The following PDE10A variants were observed in gnomAD, a reference collection of about 807,000 sequenced individuals.
PDE10A encodes the protein phosphodiesterase 10A, also known as cAMP and cAMP-inhibited cGMP 3',5'-cyclic phosphodiesterase 10A.
PDE10A carries 39 observed loss-of-function variants against 97.7 expected under a neutral mutation model. The observed-to-expected ratio is 0.40, with a 90% confidence interval of 0.31 to 0.52. The LOEUF (loss-of-function observed/expected upper bound fraction) is 0.52, where lower values mean the gene tolerates loss of function less well. Among genes scored for constraint, PDE10A ranks in the 20% least tolerant of loss-of-function variants. The pLI is 0.56. For missense variants in PDE10A, 731 were observed against 1,047.8 expected, an observed-to-expected ratio of 0.70 and a Z score of 4.17; for synonymous variants, 371 against 376.8, an observed-to-expected ratio of 0.98 and a Z score of 0.18.
intron 10 of PDE10A, among the ~76,000 whole-genome samples, chr6:165,425,612 T>C (rs1262702370): frequency 3.3e-5 from 5 of 152,042 alleles, no homozygotes; most frequent in Admixed American, 6.6e-5. Context: ...GCTTCTTCCT[T>C]GAGATCAGGA....
intron 1 of PDE10A, among the ~76,000 whole-genome samples, chr6:165,694,527 G>C (rs896001294): frequency 6.6e-6 from 1 of 152,210 alleles, no homozygotes; most frequent in African/African-American, 2.4e-5. Context: ...TCTTATCACA[G>C]CCACAGGTGG....
At chr6:165,419,648 A>C (rs1241396142) in intron 10 of PDE10A, among the ~76,000 whole-genome samples, 1 of 152,200 alleles carries the variant, frequency 6.6e-6, no homozygotes, top group African/African-American at 2.4e-5. Flanking sequence ...ATATGTCTTC[A>C]ATGCCTAACA....
chr6:165,525,063 T>C (rs934829470), intron 2 of PDE10A, among the ~76,000 whole-genome samples: 2 of 152,050 alleles, frequency 1.3e-5, no homozygotes, highest in Non-Finnish European at 2.9e-5. Context: ...AAAATGATGT[T>C]GATTCTCCTC....
intron 1 of PDE10A, among the ~76,000 whole-genome samples, chr6:165,958,716 G>GTAGA (rs1784257842): frequency 1.7e-5 from 1 of 58,768 alleles, no homozygotes; most frequent in South Asian, 7.5e-4. Context: ...AAGAAAGAGA[G>GTAGA]AAGAAAGAAA....
chr6:165,369,548 A>C (rs1469033645), intron 18 of PDE10A, among the ~76,000 whole-genome samples: 93 of 146,448 alleles, frequency 6.4e-4, no homozygotes, highest in African/African-American at 2.4e-3. Flanking sequence ...AAAAGGAATG[A>C]GCAAAGCCTC....
intron 1 of PDE10A, among the ~76,000 whole-genome samples, chr6:165,619,033 T>C (rs1430445297): frequency 2.0e-5 from 3 of 151,866 alleles, no homozygotes; most frequent in Non-Finnish European, 2.9e-5. Context: ...CATAGTCTAG[T>C]GTAGTGTAGT....
intron 1 of PDE10A, among the ~76,000 whole-genome samples, chr6:165,745,363 T>C (rs1043175619): frequency 3.3e-5 from 5 of 152,234 alleles, no homozygotes; most frequent in African/African-American, 9.6e-5. Context: ...GTTGTATTGG[T>C]TTTCATGGTA....
At chr6:165,649,904 C>T (rs868313199) in intron 1 of PDE10A, among the ~76,000 whole-genome samples, 3 of 152,212 alleles carry the variant, frequency 2.0e-5, no homozygotes, top group Non-Finnish European at 4.4e-5. Context: ...ACATCTTAAG[C>T]ATGAAACCAT....
At chr6:165,646,475 T>TA (rs1789403944) in intron 1 of PDE10A, among the ~76,000 whole-genome samples, 1 of 152,200 alleles carries the variant, frequency 6.6e-6, no homozygotes, top group Non-Finnish European at 1.5e-5. Context: ...ATGAGAAAAT[T>TA]AGAGTGCTGA....
intron 10 of PDE10A, among the ~76,000 whole-genome samples, chr6:165,420,058 C>G (rs517420): frequency 6.6e-6 from 1 of 152,278 alleles, no homozygotes; most frequent in African/African-American, 2.4e-5. Flanking sequence ...ATCAGGACCT[C>G]TAGGTTACTT....
At chr6:165,464,760 G>C (rs1019309282) in intron 3 of PDE10A, among the ~76,000 whole-genome samples, 1 of 152,160 alleles carries the variant, frequency 6.6e-6, no homozygotes, top group African/African-American at 2.4e-5. Flanking sequence ...CATACAATAT[G>C]TACTCTTTTG....
intron 1 of PDE10A, among the ~76,000 whole-genome samples, chr6:165,970,640 A>T (rs1784641313): frequency 6.6e-6 from 1 of 152,254 alleles, no homozygotes; most frequent in Non-Finnish European, 1.5e-5. Context: ...CTTAGAGGAA[A>T]GAAGCCATAT....
intron 10 of PDE10A, among the ~76,000 whole-genome samples, chr6:165,423,630 G>A (rs1788887199): frequency 6.6e-6 from 1 of 152,150 alleles, no homozygotes; most frequent in Non-Finnish European, 1.5e-5. Flanking sequence ...CACTTTGGGA[G>A]GCTGAGGTGG....
intron 1 of PDE10A, among the ~76,000 whole-genome samples, chr6:165,737,282 TC>T (rs1792598814): frequency 1.3e-5 from 2 of 152,162 alleles, no homozygotes; most frequent in Admixed American, 1.3e-4. Flanking sequence ...ACTTCCAAAC[TC>T]ATTTTATGAA....
intron 17 of PDE10A, among the ~76,000 whole-genome samples, chr6:165,383,689 T>C (rs935193759): frequency 6.6e-6 from 1 of 151,932 alleles, no homozygotes; most frequent in Non-Finnish European, 1.5e-5. Flanking sequence ...GGGCAGTGAC[T>C]CTCCTCATCA....
chr6:165,803,328 A>T (rs1243070392), intron 1 of PDE10A, among the ~76,000 whole-genome samples: 1 of 152,146 alleles, frequency 6.6e-6, no homozygotes, highest in East Asian at 1.9e-4. Context: ...ATCTGTGTCG[A>T]GGACCCTTAA....
rs182801911 is a variant in PDE10A, at chr6:165,440,495, C to A, written c.1195-5118G>T. 2.0e-5 allele frequency among the ~76,000 whole-genome samples: 3 copies of A among 152,100 alleles called. No individual in the cohort carries two copies. In the East Asian group the frequency reaches 5.8e-4, roughly 29 times the overall value. On this transcript the variant is annotated intron_variant, in intron 5 of 21. Transcript: ENST00000539869. ...TGTTCTTAAAAGACGTGTTGTATTA[C>A]GGTGGAAAGAGCATAGCTGCTCTTT...
intron 1 of PDE10A, among the ~76,000 whole-genome samples, chr6:165,829,277 T>C (rs535654772): frequency 3.9e-5 from 6 of 152,358 alleles, no homozygotes; most frequent in Admixed American, 2.0e-4. Context: ...GATTTTCAGA[T>C]GCCCAGTGCT....
chr6:165,406,329 A>G (rs1277972703), intron 13 of PDE10A, among the ~76,000 whole-genome samples: 1 of 151,660 alleles, frequency 6.6e-6, no homozygotes, highest in Admixed American at 6.6e-5. Context: ...TTGTGACTCA[A>G]TGCACTGGTA....
Sources: allele counts gnomAD v4.1 joint callset (sites outside exome capture counted in the v4.1 genomes callset), GRCh38; gene constraint gnomAD v4.1.1; transcripts MANE v1.5; gene names NCBI Gene and HGNC (gene_info 2026-07-23, HGNC 2026-07-21).